UNC79: variants seen among roughly 807,000 people sequenced by gnomAD.
UNC79 encodes the protein protein unc-79 homolog.
UNC79 carries 37 observed loss-of-function variants against 283.1 expected under a neutral mutation model. That is an observed-to-expected ratio of 0.13 (90% confidence interval 0.10 to 0.17). The LOEUF is 0.17. Among genes scored for constraint, UNC79 ranks in the 10% least tolerant of loss-of-function variants. The probability of loss-of-function intolerance (pLI) is 1.00; values close to 1 mark genes in which losing one functional copy is unlikely to be tolerated. For synonymous variants in UNC79, 1,107 were observed against 1,200.2 expected (o/e 0.92, Z 1.61); for missense variants, 2,272 against 3,211.1 (o/e 0.71, Z 7.07).
intron 7 of UNC79, among the ~76,000 whole-genome samples, chr14:93,522,937 T>G (rs989899286): frequency 1.3e-5 from 2 of 152,142 alleles, no homozygotes; most frequent in African/African-American, 4.8e-5. Flanking sequence ...CTAAAGTGTT[T>G]GGAACATAAA....
At chr14:93,655,150 A>C in intron 37 of UNC79, 84 bp from the exon 41 acceptor site, 1 of 1,486,160 alleles carries the variant, frequency 6.7e-7, no homozygotes, top group Non-Finnish European at 9.2e-7. Flanking sequence ...TGAAGATGTG[A>C]CTTTTAAACT....
intron 3 of UNC79, among the ~76,000 whole-genome samples, 190 bp from the exon 4 acceptor site, chr14:93,477,368 A>G (rs2057862473): frequency 6.6e-6 from 1 of 152,246 alleles, no homozygotes; most frequent in African/African-American, 2.4e-5. Context: ...ATATTCATTC[A>G]TCAGTCATTT....
At chr14:93,333,716 G>A (rs115206732) in intron 1 of UNC79, among the ~76,000 whole-genome samples, 2,601 of 152,294 alleles carry the variant, frequency 0.017, 83 homozygotes, top group African/African-American at 0.06. Context: ...CCCCTTGTTT[G>A]GGGGTTTGCA....
intron 30 of UNC79, among the ~76,000 whole-genome samples, chr14:93,624,511 T>C (rs1309515942): frequency 6.6e-6 from 1 of 152,114 alleles, no homozygotes; most frequent in African/African-American, 2.4e-5. Flanking sequence ...CTGTGATGTG[T>C]AGGTTGCATG....
intron 1 of UNC79, chr14:93,347,274 T>C: frequency 6.2e-7 from 1 of 1,604,068 alleles, no homozygotes; most frequent in South Asian, 1.1e-5. Context: ...GCGATATGCC[T>C]CTCCTGCGTG....
At chr14:93,368,551 C>CA (rs570364760) in intron 1 of UNC79, among the ~76,000 whole-genome samples, 1 of 152,088 alleles carries the variant, frequency 6.6e-6, no homozygotes, top group Non-Finnish European at 1.5e-5. Flanking sequence ...TGACGCACTG[C>CA]AACCTGTCTC....
chr14:93,586,966 ATTAAAG>A (rs1438578890), intron 22 of UNC79, 58 bp downstream of exon 22: 6 of 1,576,664 alleles, frequency 3.8e-6, no homozygotes, highest in African/African-American at 1.4e-5. Context: ...AGTTGTGAAA[ATTAAAG>A]TTAGATTAAG....
chr14:93,496,194 A>G (rs757907660), intron 5 of UNC79, among the ~76,000 whole-genome samples: 15 of 152,202 alleles, frequency 9.9e-5, no homozygotes, highest in Admixed American at 5.9e-4. Context: ...GTTAACATGA[A>G]GCATGAAATA....
At chr14:93,520,713 C>T (rs1018578415) in intron 7 of UNC79, among the ~76,000 whole-genome samples, 8 of 152,050 alleles carry the variant, frequency 5.3e-5, no homozygotes, top group Non-Finnish European at 1.2e-4. Flanking sequence ...TAAGCCCATT[C>T]AGTGAGTTTT....
rs1486824003 is a variant in UNC79, at chr14:93,598,635, C to T, written c.3372+1095C>T. On this transcript the variant is annotated intron_variant, in intron 24 of 48. Transcript: ENST00000555664. ...CTCCCGGGTTCAAGTGATTCTCATG[C>T]CTTAGTCTCCCGAATAGCTGGGACT... Among the ~76,000 whole-genome samples, 3 of 152,150 alleles carry T rather than the reference C, an allele frequency of 2.0e-5. 1 individual carries two copies. The highest frequency in any genetic ancestry group is 3.9e-4 in the East Asian group (2 of 5,192).
chr14:93,571,953 C>G (rs1566676161), exon 15 of UNC79: 1 of 1,614,060 alleles, frequency 6.2e-7, no homozygotes, highest in South Asian at 1.1e-5. Context: ...AAGGTCTCAA[C>G]CGAATCCTCT....
At chr14:93,347,057 G>A in intron 1 of UNC79, 1 of 525,380 alleles carries the variant, frequency 1.9e-6, no homozygotes, top group Non-Finnish European at 3.3e-6. Context: ...TGAGTGGAAA[G>A]GGCAGTACAG....
At chr14:93,625,049 C>T (rs760262667) in intron 30 of UNC79, among the ~76,000 whole-genome samples, 1 of 152,234 alleles carries the variant, frequency 6.6e-6, no homozygotes, top group Non-Finnish European at 1.5e-5. Context: ...TCCTTCGTTA[C>T]CCTGACTCCT....
At chr14:93,642,249 C>A (rs1450854940) in intron 33 of UNC79, among the ~76,000 whole-genome samples, 1 of 151,712 alleles carries the variant, frequency 6.6e-6, no homozygotes, top group Admixed American at 6.6e-5. Context: ...ATGGTGAAAC[C>A]CTGTCTCTAC....
At chr14:93,687,463 G>A (rs2074333370) in intron 43 of UNC79, among the ~76,000 whole-genome samples, 1 of 152,144 alleles carries the variant, frequency 6.6e-6, no homozygotes, top group Admixed American at 6.5e-5. Context: ...ATCCAAACAT[G>A]GTCCAAGGAG....
At chr14:93,707,647 G>C (rs1205670448), downstream of UNC79, 1 of 152,122 alleles carries the variant, frequency 6.6e-6, no homozygotes, top group East Asian at 1.9e-4. Flanking sequence ...TTGCACACTG[G>C]ACCAGATGAG....
chr14:93,559,932 T>A (rs2062441936), intron 14 of UNC79, among the ~76,000 whole-genome samples: 1 of 151,966 alleles, frequency 6.6e-6, no homozygotes, highest in Non-Finnish European at 1.5e-5. Context: ...CATGGAGAGA[T>A]AATGGGCGAT....
At chr14:93,535,478 C>T (rs1349296069) in intron 11 of UNC79, among the ~76,000 whole-genome samples, 1 of 152,188 alleles carries the variant, frequency 6.6e-6, no homozygotes, top group Non-Finnish European at 1.5e-5. Flanking sequence ...CATCGTAAAA[C>T]AGCAACATTT....
chr14:93,340,607 G>A (rs2053687614), intron 1 of UNC79, among the ~76,000 whole-genome samples: 2 of 146,666 alleles, frequency 1.4e-5, no homozygotes, highest in Non-Finnish European at 1.5e-5. Context: ...GTATCACTCT[G>A]TTTCCCAGGC....
Sources: gnomAD v4.1 joint callset for allele counts (sites outside exome capture counted in the v4.1 genomes callset) on GRCh38, gnomAD v4.1.1 for gene constraint, MANE v1.5 for transcripts, NCBI Gene and HGNC (gene_info 2026-07-23, HGNC 2026-07-21) for gene names.